CCDC102B: variants seen among roughly 807,000 people sequenced by gnomAD.
CCDC102B encodes coiled-coil domain-containing protein 102B.
In CCDC102B, 75 loss-of-function variants were observed where a neutral mutation model predicts 57.4. That is an observed-to-expected ratio of 1.31 (90% CI 1.08 to 1.58). The LOEUF (loss-of-function observed/expected upper bound fraction) is 1.58. CCDC102B is among the 40% of genes most tolerant of loss of function. The pLI is 0.00. For missense variants in CCDC102B, 636 were observed against 582.6 expected (o/e 1.09, Z -0.94); for synonymous variants, 206 against 201.9 (o/e 1.02, Z -0.17).
At chr18:69,025,541 A>G (rs1251121486) in intron 7 of CCDC102B, among the ~76,000 whole-genome samples, 1 of 152,194 alleles carries the variant, frequency 6.6e-6, no homozygotes, top group Non-Finnish European at 1.5e-5. Context: ...ATATAAAATT[A>G]TGTTCTTAGT....
intron 2 of CCDC102B, among the ~76,000 whole-genome samples, chr18:68,765,386 G>GA (rs1353605406): frequency 6.1e-4 from 86 of 139,850 alleles, no homozygotes; most frequent in African/African-American, 2.3e-3. Context: ...AGAAAAGAAA[G>GA]AAAGAAAAGA....
At position 68,913,305 on chromosome 18, in the gene CCDC102B, A is replaced by AGTGTGTGTGT. The variant is rs1191988172; in HGVS notation, c.1263+15881_1263+15882insGTGTGTGTGT. On this transcript the variant is annotated intron_variant, in intron 6 of 7. Transcript: ENST00000360242. ...TTATTTAATTTTCCATTGGATGGTT[A>AGTGTGTGTGT]GTGTCTGTGTGTGTGTGTGTGTGTG... 2.3e-3 allele frequency among the ~76,000 whole-genome samples: 69 copies of AGTGTGTGTGT among 29,542 alleles called. 1 individual carries two copies. Among genetic ancestry groups the AGTGTGTGTGT allele is most frequent in the African/African-American group, 7.9e-3 (67 of 8,480 alleles). 19.4% of individuals were successfully genotyped at this position (29,542 alleles called of 152,430 possible). A position where few individuals can be genotyped will look rare whatever the true frequency, so the allele number is the denominator to read the frequency against.
chr18:68,971,190 C>T (rs2050292876), intron 6 of CCDC102B, among the ~76,000 whole-genome samples: 1 of 151,696 alleles, frequency 6.6e-6, no homozygotes, highest in South Asian at 2.1e-4. Context: ...TTCATATTTT[C>T]ATCTATCCTT....
intron 7 of CCDC102B, among the ~76,000 whole-genome samples, chr18:69,017,488 A>T (rs1267627110): frequency 6.6e-6 from 1 of 152,080 alleles, no homozygotes; most frequent in Non-Finnish European, 1.5e-5. Context: ...AATTACATTT[A>T]TTTTTAAATC....
chr18:68,828,343 AAAAAC>A (rs1271298473), intron 1 of CCDC102B, among the ~76,000 whole-genome samples: 2 of 150,064 alleles, frequency 1.3e-5, no homozygotes, highest in South Asian at 2.1e-4. Flanking sequence ...AAAAAAAAAA[AAAAAC>A]CTTCAACTAA....
At chr18:68,775,038 T>C (rs2034765020) in intron 2 of CCDC102B, among the ~76,000 whole-genome samples, 1 of 151,136 alleles carries the variant, frequency 6.6e-6, no homozygotes, top group Non-Finnish European at 1.5e-5. Context: ...GTTTTTTTTT[T>C]GTTTTGTCTT....
intron 4 of CCDC102B, among the ~76,000 whole-genome samples, chr18:68,849,274 T>C (rs1341474399): frequency 3.3e-5 from 5 of 152,112 alleles, no homozygotes; most frequent in African/African-American, 2.4e-5. Context: ...CAAGGCAAGG[T>C]CCTTGAAGAT....
rs560870659 is a variant in CCDC102B, at chr18:68,974,591, C to T, written c.1264-36343C>T. 2.6e-5 allele frequency among the ~76,000 whole-genome samples: 4 copies of T among 151,802 alleles called. No homozygotes were observed. In the South Asian group the frequency reaches 8.3e-4, roughly 32 times the overall value. On this transcript the variant is annotated intron_variant, in intron 6 of 7. Transcript: ENST00000360242. ...AACAAATTCCTTAATCATATAATGACTGATTTTCTTGAATGCCTTTTAACT... is the reference window on the plus strand; with the variant it reads ...AACAAATTCCTTAATCATATAATGATTGATTTTCTTGAATGCCTTTTAACT...
intron 6 of CCDC102B, among the ~76,000 whole-genome samples, chr18:68,957,791 A>G (rs948958856): frequency 6.6e-6 from 1 of 152,008 alleles, no homozygotes; most frequent in Non-Finnish European, 1.5e-5. Flanking sequence ...TACTTTCATC[A>G]GTGTTTTACA....
intron 7 of CCDC102B, among the ~76,000 whole-genome samples, chr18:69,018,945 C>T (rs1004179319): frequency 1.1e-4 from 16 of 151,744 alleles, no homozygotes; most frequent in African/African-American, 3.9e-4. Context: ...GTGTGTGGTG[C>T]AAGATATGGA....
intron 6 of CCDC102B, among the ~76,000 whole-genome samples, chr18:69,006,198 T>C (rs2051335641): frequency 6.6e-6 from 1 of 152,096 alleles, no homozygotes; most frequent in Non-Finnish European, 1.5e-5. Flanking sequence ...ATGAAAGTTA[T>C]AAAAGATACT....
intron 6 of CCDC102B, among the ~76,000 whole-genome samples, chr18:68,995,014 A>G (rs2050983373): frequency 6.6e-6 from 1 of 152,190 alleles, no homozygotes; most frequent in African/African-American, 2.4e-5. Flanking sequence ...AAATGCTAAT[A>G]CCTTAATGGA....
chr18:68,963,084 A>C (rs919438048), intron 6 of CCDC102B, among the ~76,000 whole-genome samples: 2 of 152,024 alleles, frequency 1.3e-5, no homozygotes, highest in Non-Finnish European at 2.9e-5. Context: ...ATGTAGAGAA[A>C]AATATGTCTC....
intron 7 of CCDC102B, among the ~76,000 whole-genome samples, chr18:69,047,714 A>G (rs147746185): frequency 6.6e-6 from 1 of 152,120 alleles, no homozygotes; most frequent in East Asian, 1.9e-4. Flanking sequence ...AAATCAATGT[A>G]CGGTAATCAG....
intron 2 of CCDC102B, among the ~76,000 whole-genome samples, chr18:68,752,503 C>A (rs1331974413): frequency 6.7e-6 from 1 of 149,918 alleles, no homozygotes; most frequent in East Asian, 2.0e-4. Context: ...ACAAGCACAA[C>A]CAACATAGGA....
intron 4 of CCDC102B, among the ~76,000 whole-genome samples, chr18:68,864,662 T>G (rs1035434806): frequency 5.9e-5 from 9 of 152,072 alleles, no homozygotes; most frequent in African/African-American, 2.2e-4. Flanking sequence ...TCACTATCTT[T>G]GAAACATTAT....
chr18:68,752,002 C>T lies in CCDC102B; in HGVS notation c.-67+35408C>T, dbSNP rs2033869400. On this transcript the variant is annotated intron_variant, in intron 2 of 3. Transcript: ENST00000578970. ...CAAGGTCGGGCATGGTAACTCACGC[C>T]TATAATCCCAGCACTTTGGGAGGCC... Among the ~76,000 whole-genome samples the T allele has an allele frequency of 2.6e-5, 4 of 152,290 alleles. No homozygotes were observed. The South Asian group carries it at 8.3e-4, about 32-fold the overall frequency.
rs956923082 is a variant in CCDC102B, at chr18:69,015,660, G to A, written c.1434+4556G>A. Among the ~76,000 whole-genome samples the A allele has an allele frequency of 2.0e-5, 3 of 152,206 alleles. 1 individual carries two copies. The highest frequency in any genetic ancestry group is 6.8e-3 in the Middle Eastern group (2 of 294). ...TCTGTACTGTAGAGAGACTAGAATA[G>A]TATGTACTTGGGCCATAGGAAAAAA... On this transcript the variant is annotated intron_variant, in intron 7 of 7. Transcript: ENST00000360242.
intron 6 of CCDC102B, among the ~76,000 whole-genome samples, chr18:68,963,452 A>G (rs1319302258): frequency 6.6e-6 from 1 of 151,906 alleles, no homozygotes; most frequent in Non-Finnish European, 1.5e-5. Context: ...AATATATCCT[A>G]TATCTATTCT....
Sources: gnomAD v4.1 joint callset for allele counts (sites outside exome capture counted in the v4.1 genomes callset) on GRCh38, gnomAD v4.1.1 for gene constraint, MANE v1.5 for transcripts, NCBI Gene and HGNC (gene_info 2026-07-23, HGNC 2026-07-21) for gene names.